The following TMEM263 variants were observed in gnomAD, a reference collection of about 807,000 sequenced individuals.
TMEM263 encodes the protein transmembrane protein 263, also known as UPF0444 transmembrane protein C12orf23.
In TMEM263, 5 loss-of-function variants were observed where a neutral mutation model predicts 8.6. The observed-to-expected ratio is 0.58, with a 90% CI of 0.31 to 1.23. The LOEUF is 1.23. Among genes scored for constraint, TMEM263 ranks in the 50% most tolerant of loss-of-function variants. The pLI, the probability that TMEM263 is intolerant of heterozygous loss-of-function variation, is 0.07. For missense variants in TMEM263, 104 were observed against 138.8 expected, an observed-to-expected ratio of 0.75 and a Z score of 1.26; for synonymous variants, 50 against 47.9, an observed-to-expected ratio of 1.04 and a Z score of -0.18.
At chr12:106,957,770 C>G (rs952795870) in intron 2 of TMEM263, among the ~76,000 whole-genome samples, 1 of 152,160 alleles carries the variant, frequency 6.6e-6, no homozygotes, top group Admixed American at 6.5e-5. Context: ...TCAGTTATTA[C>G]TCGTCTAAGT....
intron 2 of TMEM263, among the ~76,000 whole-genome samples, chr12:106,957,579 T>C (rs1485876118): frequency 1.3e-5 from 2 of 152,234 alleles, no homozygotes; most frequent in South Asian, 2.1e-4. Context: ...ATAAGACCTT[T>C]GTATGCTTGT....
chr12:106,963,627 G>A (rs1951807348), intron 2 of TMEM263, among the ~76,000 whole-genome samples: 1 of 152,060 alleles, frequency 6.6e-6, no homozygotes, highest in Non-Finnish European at 1.5e-5. Context: ...TTCAGTTAGC[G>A]TCTTAAGGCA....
At chr12:106,961,850 CTG>C (rs1403823291) in intron 2 of TMEM263, among the ~76,000 whole-genome samples, 2 of 152,142 alleles carry the variant, frequency 1.3e-5, no homozygotes, top group African/African-American at 2.4e-5. Flanking sequence ...CAAGACATAA[CTG>C]TGAACAAAAC....
At chr12:106,966,264 C>T (rs1227427130) in intron 2 of TMEM263, among the ~76,000 whole-genome samples, 1 of 152,152 alleles carries the variant, frequency 6.6e-6, no homozygotes, top group Non-Finnish European at 1.5e-5. Flanking sequence ...CCAGTGTTAG[C>T]TCACTTAGGA....
rs1369001377 is a variant in TMEM263, at chr12:106,973,627, TTGAAA to T, written c.*2241_*2245del. ...GTACAGTTAGTTATAGAGGTTCTTG[TTGAAA>T]TGAACTTACCATCTGATGATATGTA... On this transcript the variant is annotated 3_prime_UTR_variant, in exon 4 of 4. Transcript: ENST00000280756. 1 of 152,382 alleles carries T rather than the reference TTGAAA, an allele frequency of 6.6e-6. No individual in the cohort carries two copies. The highest frequency in any genetic ancestry group is 6.5e-5 in the Admixed American group (1 of 15,276). 9.4% of individuals were successfully genotyped at this position (152,382 alleles called of 1,614,324 possible).
intron 2 of TMEM263, among the ~76,000 whole-genome samples, chr12:106,958,595 C>T (rs1469426594): frequency 6.6e-6 from 1 of 152,128 alleles, no homozygotes; most frequent in Non-Finnish European, 1.5e-5. Context: ...ACAAAGAAGC[C>T]TTTCATATGT....
chr12:106,961,224 A>ATTTTTTTTTTTTTTTTT (rs554707654), intron 2 of TMEM263, among the ~76,000 whole-genome samples: 1 of 75,114 alleles, frequency 1.3e-5, no homozygotes, highest in African/African-American at 6.1e-5. Flanking sequence ...TGCCCAGTCA[A>ATTTTTTTTTTTTTTTTT]TTTTTTTTTT....
At chr12:106,964,324 T>C (rs544149610) in intron 2 of TMEM263, among the ~76,000 whole-genome samples, 1 of 152,332 alleles carries the variant, frequency 6.6e-6, no homozygotes, top group African/African-American at 2.4e-5. Context: ...ATTTGTCCTC[T>C]TCTATACAGT....
At chr12:106,962,768 A>G (rs1245144351) in intron 2 of TMEM263, among the ~76,000 whole-genome samples, 1 of 152,210 alleles carries the variant, frequency 6.6e-6, no homozygotes, top group South Asian at 2.1e-4. Flanking sequence ...CTCTTCTGAT[A>G]TTCTCTGTGT....
chr12:106,962,177 C>T (rs1296496776), intron 2 of TMEM263, among the ~76,000 whole-genome samples: 2 of 152,148 alleles, frequency 1.3e-5, no homozygotes, highest in African/African-American at 4.8e-5. Flanking sequence ...TATACTACTT[C>T]ATGCATGTGT....
intron 1 of TMEM263, among the ~76,000 whole-genome samples, chr12:106,956,281 G>T (rs1399782707): frequency 6.6e-6 from 1 of 152,112 alleles, no homozygotes; most frequent in Non-Finnish European, 1.5e-5. Context: ...CTTATACGTC[G>T]CTGACTGCCC....
intron 2 of TMEM263, among the ~76,000 whole-genome samples, chr12:106,961,224 A>ATTTTTTTTT (rs554707654): frequency 4.0e-5 from 3 of 75,128 alleles, no homozygotes; most frequent in East Asian, 3.5e-4. Flanking sequence ...TGCCCAGTCA[A>ATTTTTTTTT]TTTTTTTTTT....
At chr12:106,961,224 A>ATTTTTTTTTTTTTT (rs554707654) in intron 2 of TMEM263, among the ~76,000 whole-genome samples, 1 of 75,116 alleles carries the variant, frequency 1.3e-5, no homozygotes, top group African/African-American at 6.1e-5. Context: ...TGCCCAGTCA[A>ATTTTTTTTTTTTTT]TTTTTTTTTT....
intron 1 of TMEM263, 167 bp from the exon 2 acceptor site, chr12:106,956,915 G>C (rs1215733976): frequency 5.4e-6 from 1 of 186,862 alleles, no homozygotes; most frequent in African/African-American, 2.4e-5. Flanking sequence ...ATTTGCTAGT[G>C]CCTAAAGGGA....
In TMEM263 at chr12:106,972,558, A is replaced by C. The variant is rs1951936908; in HGVS notation, c.*1167A>C. On this transcript the variant is annotated 3_prime_UTR_variant, in exon 4 of 4. Transcript: ENST00000280756. ...AGGCTTTAAAAACATGTTATCTTAC[A>C]GTCCTTTAAAGCAGCCATAGAGTTT... is the stretch of plus-strand genomic sequence containing the variant. 1 of 152,132 alleles carries C rather than the reference A, an allele frequency of 6.6e-6. No homozygotes were observed. Among genetic ancestry groups the C allele is most frequent in the Non-Finnish European group, 1.5e-5 (1 of 67,978 alleles). The allele number at this position is 152,132 out of a possible 1,614,324, so 9.4% of individuals were successfully genotyped here.
intron 3 of TMEM263, 110 bp from the exon 4 acceptor site, chr12:106,970,995 C>G (rs1951912170): frequency 8.7e-7 from 1 of 1,150,748 alleles, no homozygotes; most frequent in South Asian, 1.5e-5. Context: ...TTGGCCTTAT[C>G]AAATCAACCT....
Position 106,972,909 on chromosome 12 carries a change from C to G in TMEM263, c.*1518C>G, listed in dbSNP as rs1951944148. ...TGGAGGGGAGGAAAGGGGGGTGATA[C>G]CTTGCAGTAAGTAAGTCGAAATAGC... On this transcript the variant is annotated 3_prime_UTR_variant, in exon 4 of 4. Coordinates refer to ENST00000280756, the MANE Select transcript of TMEM263 (RefSeq NM_152261.4). 1.4e-5 allele frequency: 2 copies of G among 145,566 alleles called. No individual in the cohort carries two copies. The highest frequency in any genetic ancestry group is 2.2e-4 in the South Asian group (1 of 4,642). The allele number at this position is 145,566 out of a possible 1,614,324, so 9.0% of individuals were successfully genotyped here. A position where few individuals can be genotyped will look rare whatever the true frequency, so the allele number is the denominator to read the frequency against.
At chr12:106,970,480 T>C (rs1218294523) in intron 3 of TMEM263, among the ~76,000 whole-genome samples, 3 of 152,258 alleles carry the variant, frequency 2.0e-5, no homozygotes, top group Non-Finnish European at 4.4e-5. Flanking sequence ...GCAAGACAGC[T>C]ACATTCTTGC....
chr12:106,967,216 T>A (rs751350466), intron 3 of TMEM263, 36 bp downstream of exon 3: 1 of 1,196,842 alleles, frequency 8.4e-7, no homozygotes, highest in African/African-American at 1.6e-5. Context: ...AATGGAAAAA[T>A]ATACTGAATT....
Sources: allele counts gnomAD v4.1 joint callset (sites outside exome capture counted in the v4.1 genomes callset), GRCh38; gene constraint gnomAD v4.1.1; transcripts MANE v1.5; gene names NCBI Gene and HGNC (gene_info 2026-07-23, HGNC 2026-07-21).